Variants in ANKRD42 observed in about 807,000 individuals in gnomAD.
ANKRD42 encodes ankyrin repeat domain 42.
A neutral mutation model predicts 51.5 loss-of-function variants in ANKRD42; 43 were observed. The ratio of observed to expected loss-of-function variants is 0.83; its 90% CI spans 0.65 to 1.08. The LOEUF (loss-of-function observed/expected upper bound fraction) is 1.08, where lower values mean the gene tolerates loss of function less well. Ranked by LOEUF, ANKRD42 falls within the 50% of genes least tolerant of loss-of-function variation. ANKRD42 has a pLI of 0.00. For synonymous variants in ANKRD42, 203 were observed against 213.0 expected (o/e 0.95, Z 0.41); for missense variants, 608 against 629.3 (o/e 0.97, Z 0.36).
At chr11:83,212,691 C>T (rs760617444) in intron 5 of ANKRD42, 4 of 1,536,000 alleles carry the variant, frequency 2.6e-6, no homozygotes, top group East Asian at 2.4e-5. Context: ...GATTCCTTGG[C>T]TTGGCATGCT....
rs769168832 is a variant in ANKRD42 at position 83,193,739 on chromosome 11, G to C, written c.-932G>C. On this transcript the variant is annotated 5_prime_UTR_variant, in exon 1 of 11. Coordinates refer to ENST00000533342, the MANE Select transcript of ANKRD42 (RefSeq NM_001300975.2). ...TCGTTTCCAAGGCGACGGCCCTGCT[G>C]CCTCTCCAGCCAAGTGGCTGGAGTC... 8.6e-5 allele frequency: 36 copies of C among 418,878 alleles called. No individual in the cohort carries two copies. The highest frequency in any genetic ancestry group is 4.1e-4 in the South Asian group (25 of 61,286). 25.9% of individuals were successfully genotyped at this position (418,878 alleles called of 1,614,324 possible).
At chr11:83,243,978 T>TA (rs1863468192) in intron 9 of ANKRD42, among the ~76,000 whole-genome samples, 1 of 122,140 alleles carries the variant, frequency 8.2e-6, no homozygotes, top group Admixed American at 7.9e-5. Context: ...TTTTTTTTTT[T>TA]TTTTTTTTTT....
At chr11:83,251,093 C>CTA (rs562379208), downstream of ANKRD42, among the ~76,000 whole-genome samples, 20 of 152,038 alleles carry the variant, frequency 1.3e-4, no homozygotes, top group African/African-American at 3.9e-4. Context: ...GTCTGTTCTC[C>CTA]TATATATATA....
chr11:83,254,396 A>G (rs916819596), intron 11 of ANKRD42, among the ~76,000 whole-genome samples: 6 of 151,760 alleles, frequency 4.0e-5, no homozygotes, highest in Non-Finnish European at 7.4e-5. Flanking sequence ...GGATTAGGTT[A>G]AACTCCTGCC....
chr11:83,210,305 T>G lies in ANKRD42; in HGVS notation c.336T>G (p.Leu112=). 1 of 1,613,576 alleles carries G rather than the reference T, an allele frequency of 6.2e-7. No individual in the cohort carries two copies. The change falls in exon 4 of 11, where the codon CTT becomes CTG. Residue 112 remains leucine (L), a synonymous_variant. Transcript: ENST00000533342. ...IRGQDACVQA[L]IMNGANLTAQ... ...TCCTATTTCTCTATTTTTAGGCTCT[T>G]ATAATGAATGGAGCAAATCTGACAG...
intron 9 of ANKRD42, among the ~76,000 whole-genome samples, chr11:83,242,927 G>C (rs1454539873): frequency 6.6e-6 from 1 of 152,098 alleles, no homozygotes. Context: ...TGTTTTTGCT[G>C]TGTGAATAGT....
At chr11:83,261,815 T>C, downstream of ANKRD42, 4 of 791,536 alleles carry the variant, frequency 5.1e-6, no homozygotes, top group Non-Finnish European at 8.5e-6. Flanking sequence ...TAATCTTGTG[T>C]AGTAAATTTT....
chr11:83,202,579 G>A (rs942447094), intron 2 of ANKRD42, among the ~76,000 whole-genome samples: 1 of 152,132 alleles, frequency 6.6e-6, no homozygotes, highest in Non-Finnish European at 1.5e-5. Context: ...ATTACTTTGG[G>A]CAGTATGCAC....
intron 2 of ANKRD42, among the ~76,000 whole-genome samples, chr11:83,204,096 C>T (rs1861976226): frequency 6.6e-6 from 1 of 152,110 alleles, no homozygotes; most frequent in Non-Finnish European, 1.5e-5. Context: ...GTGCCCGCCA[C>T]CACGCCTGTC....
At chr11:83,202,483 G>C (rs992822002) in intron 2 of ANKRD42, among the ~76,000 whole-genome samples, 1 of 152,056 alleles carries the variant, frequency 6.6e-6, no homozygotes, top group Non-Finnish European at 1.5e-5. Flanking sequence ...GCTCTTTTTT[G>C]GTTCCATATG....
chr11:83,231,081 G>A (rs76100691), intron 7 of ANKRD42, among the ~76,000 whole-genome samples: 2,583 of 152,278 alleles, frequency 0.017, 71 homozygotes, highest in African/African-American at 0.058. Context: ...ACCCAGCAGT[G>A]GGATAGCTGG....
Position 83,205,963 on chromosome 11 carries a change from T to C in ANKRD42, c.223-95T>C, listed in dbSNP as rs969513947. ...TCTTATACATGGATCTCTCATTCAC[T>C]ACAGTCTGCTATTTTATGATAACAG... On this transcript the variant is annotated intron_variant, in intron 2 of 10. Transcript: ENST00000533342. The C allele has an allele frequency of 4.0e-6, 4 of 1,002,564 alleles. No individual in the cohort carries two copies. In the Admixed American group the frequency reaches 8.6e-5, roughly 22 times the overall value. The allele number at this position is 1,002,564 out of a possible 1,614,324, so 62.1% of individuals were successfully genotyped here.
At chr11:83,245,913 G>C (rs1031770335) in intron 10 of ANKRD42, among the ~76,000 whole-genome samples, 3 of 152,214 alleles carry the variant, frequency 2.0e-5, no homozygotes, top group Non-Finnish European at 2.9e-5. Context: ...TTGCAAAACT[G>C]ACATTCTAAC....
In ANKRD42 at chr11:83,248,303, AC is replaced by A. The variant is rs1863605019; in HGVS notation, c.*100del. ...ATGACAGGATTAAAGGAATACACAC[AC>A]ACACACACACACACACACACACACA... is the stretch of plus-strand genomic sequence containing the variant. On this transcript the variant is annotated 3_prime_UTR_variant, in exon 11 of 11. Coordinates refer to ENST00000533342, the MANE Select transcript of ANKRD42 (RefSeq NM_001300975.2). 31 of 580,094 alleles carry A rather than the reference AC, an allele frequency of 5.3e-5. No individual in the cohort carries two copies. The highest frequency in any genetic ancestry group is 6.4e-5 in the Non-Finnish European group (28 of 435,672). 35.9% of individuals were successfully genotyped at this position (580,094 alleles called of 1,614,324 possible).
At chr11:83,240,625 A>C in intron 8 of ANKRD42, 134 bp from the exon 9 acceptor site, 2 of 856,034 alleles carry the variant, frequency 2.3e-6, no homozygotes, top group Non-Finnish European at 3.6e-6. Flanking sequence ...ACTGACCTTC[A>C]GATTTTGGCT....
chr11:83,258,684 A>T (rs971874664), downstream of ANKRD42, among the ~76,000 whole-genome samples: 3 of 152,342 alleles, frequency 2.0e-5, no homozygotes, highest in South Asian at 6.2e-4. Flanking sequence ...TCAAAATAGC[A>T]ATCAGTAGTT....
chr11:83,261,748 C>G, downstream of ANKRD42: 1 of 539,506 alleles, frequency 1.9e-6, no homozygotes, highest in Non-Finnish European at 3.3e-6. Flanking sequence ...ACAATAAAGA[C>G]ACAGTATCTC....
chr11:83,231,333 A>G (rs1199854527), intron 7 of ANKRD42, among the ~76,000 whole-genome samples: 3 of 152,178 alleles, frequency 2.0e-5, no homozygotes, highest in Admixed American at 1.3e-4. Context: ...GCCTTTTCAT[A>G]TATCTGTTTG....
intron 5 of ANKRD42, among the ~76,000 whole-genome samples, chr11:83,216,455 G>T (rs1301066200): frequency 6.6e-6 from 1 of 151,998 alleles, no homozygotes; most frequent in Non-Finnish European, 1.5e-5. Context: ...CTCCCGAGTA[G>T]CTGGGACTAC....
Sources: gnomAD v4.1 joint callset for allele counts (sites outside exome capture counted in the v4.1 genomes callset) on GRCh38, gnomAD v4.1.1 for gene constraint, MANE v1.5 for transcripts, NCBI Gene and HGNC (gene_info 2026-07-23, HGNC 2026-07-21) for gene names.